The following TMTC2 variants were observed in gnomAD, a reference collection of about 807,000 sequenced individuals.
The protein encoded by TMTC2 is transmembrane O-mannosyltransferase targeting cadherins 2.
TMTC2 carries 43 observed loss-of-function variants against 82.4 expected under a neutral mutation model. The ratio of observed to expected loss-of-function variants is 0.52; its 90% CI spans 0.41 to 0.67. The LOEUF (loss-of-function observed/expected upper bound fraction) is 0.67, where lower values mean the gene tolerates loss of function less well. Ranked by LOEUF, TMTC2 falls within the 30% of genes least tolerant of loss-of-function variation. The pLI is 0.00. For synonymous variants in TMTC2, 408 were observed against 381.9 expected (o/e 1.07, Z -0.80); for missense variants, 919 against 1,012.4 (o/e 0.91, Z 1.25).
chr12:82,989,089 G>T lies in TMTC2; in HGVS notation c.2070+3043G>T, dbSNP rs1352707169. 2.0e-5 allele frequency among the ~76,000 whole-genome samples: 3 copies of T among 151,146 alleles called. No individual in the cohort carries two copies. In the South Asian group the frequency reaches 6.3e-4, roughly 32 times the overall value. ...CATACAGCATTTTATGAAGCAGGAT[G>T]TCAAGAAAAAAAGAAACCAAAAAAA... On this transcript the variant is annotated intron_variant, in intron 8 of 11. Coordinates refer to ENST00000321196, the MANE Select transcript of TMTC2 (RefSeq NM_152588.3).
intron 3 of TMTC2, among the ~76,000 whole-genome samples, chr12:82,904,347 A>C (rs997119259): frequency 6.6e-6 from 1 of 152,206 alleles, no homozygotes; most frequent in Non-Finnish European, 1.5e-5. Context: ...AACAGTATGC[A>C]TTAAAACTGC....
chr12:82,739,091 T>G (rs879473868), intron 1 of TMTC2, among the ~76,000 whole-genome samples: 7 of 148,178 alleles, frequency 4.7e-5, no homozygotes, highest in Non-Finnish European at 7.4e-5. Context: ...GAGGTTGCAG[T>G]GAGGTGAGAT....
chr12:82,937,917 T>G (rs1279912481), intron 4 of TMTC2, among the ~76,000 whole-genome samples: 1 of 33,588 alleles, frequency 3.0e-5, no homozygotes, highest in African/African-American at 6.2e-5. Context: ...CCTTTTTTTT[T>G]TTTTATTTTT....
chr12:82,883,012 C>T (rs1414174696), intron 2 of TMTC2, among the ~76,000 whole-genome samples: 9 of 138,002 alleles, frequency 6.5e-5, no homozygotes, highest in East Asian at 2.2e-4. Context: ...GCCAAGATCG[C>T]GTCAGTGCAC....
chr12:82,988,588 G>A (rs982709533), intron 8 of TMTC2, among the ~76,000 whole-genome samples: 2 of 151,844 alleles, frequency 1.3e-5, no homozygotes, highest in Non-Finnish European at 1.5e-5. Context: ...GAGGAGGGGA[G>A]TGAAAAGAGG....
intron 4 of TMTC2, among the ~76,000 whole-genome samples, chr12:82,957,803 C>A (rs1421262239): frequency 6.6e-6 from 1 of 151,710 alleles, no homozygotes. Context: ...CAAGATTGAA[C>A]CTGGAAGAAA....
intron 11 of TMTC2, among the ~76,000 whole-genome samples, chr12:83,062,979 A>G (rs1167925977): frequency 6.6e-6 from 1 of 151,810 alleles, no homozygotes; most frequent in Non-Finnish European, 1.5e-5. Flanking sequence ...CATGGCTGAG[A>G]CCCCTAAAAC....
At chr12:82,872,457 GGTTT>G (rs2137139105) in intron 2 of TMTC2, among the ~76,000 whole-genome samples, 1 of 152,180 alleles carries the variant, frequency 6.6e-6, no homozygotes, top group South Asian at 2.1e-4. Context: ...TGAAACATTT[GGTTT>G]GTTTCTGAAT....
chr12:82,783,442 G>A (rs952728595), intron 1 of TMTC2, among the ~76,000 whole-genome samples: 4 of 151,996 alleles, frequency 2.6e-5, no homozygotes, highest in African/African-American at 9.6e-5. Context: ...CTTCCCTTTT[G>A]TTGCCATTGA....
rs117998411 is a variant in TMTC2, at chr12:82,761,997, C to T, written c.83+74328C>T. ...TTTTTTTTTTTTTTTGGCCAAGTCA[C>T]GCTCTGTTGCCCAGGCTGGGGTGCA... On this transcript the variant is annotated intron_variant, in intron 1 of 11. Transcript: ENST00000321196. 7.5e-3 allele frequency among the ~76,000 whole-genome samples: 1,007 copies of T among 134,710 alleles called. 34 individuals are homozygous for T. Among genetic ancestry groups the T allele is most frequent in the East Asian group, 0.064 (284 of 4,468 alleles). 88.4% of individuals were successfully genotyped at this position (134,710 alleles called of 152,430 possible). A position where few individuals can be genotyped will look rare whatever the true frequency, so the allele number is the denominator to read the frequency against.
At chr12:82,969,124 C>T (rs1878343971) in intron 7 of TMTC2, among the ~76,000 whole-genome samples, 1 of 151,942 alleles carries the variant, frequency 6.6e-6, no homozygotes, top group Admixed American at 6.6e-5. Context: ...CTCCATTTGA[C>T]AAGAAAAAAA....
At chr12:82,872,518 C>A (rs1397692557) in intron 2 of TMTC2, among the ~76,000 whole-genome samples, 2 of 152,114 alleles carry the variant, frequency 1.3e-5, no homozygotes, top group African/African-American at 4.8e-5. Flanking sequence ...TTTATGTGTT[C>A]TTGACAGGCA....
At chr12:82,919,956 T>G (rs1191812223) in intron 3 of TMTC2, among the ~76,000 whole-genome samples, 1 of 152,174 alleles carries the variant, frequency 6.6e-6, no homozygotes, top group East Asian at 1.9e-4. Flanking sequence ...CAATATAGGC[T>G]TTTTCTAGCC....
intron 2 of TMTC2, among the ~76,000 whole-genome samples, chr12:82,879,152 T>C (rs1872709827): frequency 1.3e-5 from 2 of 152,166 alleles, no homozygotes; most frequent in Admixed American, 6.5e-5. Context: ...GGGAGTTAAT[T>C]GTCTCTTATA....
intron 11 of TMTC2, among the ~76,000 whole-genome samples, chr12:83,069,345 C>T (rs1883028839): frequency 6.6e-6 from 1 of 152,138 alleles, no homozygotes; most frequent in Non-Finnish European, 1.5e-5. Context: ...TCATCACATC[C>T]ATGCCAGCAT....
At chr12:82,863,021 GC>G (rs1428257813) in intron 2 of TMTC2, among the ~76,000 whole-genome samples, 1 of 152,168 alleles carries the variant, frequency 6.6e-6, no homozygotes, top group Non-Finnish European at 1.5e-5. Context: ...GAGATGCATA[GC>G]CTGCAGGTGT....
chr12:83,024,343 T>C (rs1236955061), intron 8 of TMTC2, among the ~76,000 whole-genome samples: 1 of 152,224 alleles, frequency 6.6e-6, no homozygotes, highest in Admixed American at 6.5e-5. Context: ...CATTTAACTA[T>C]AATGCATGGT....
intron 1 of TMTC2, among the ~76,000 whole-genome samples, chr12:82,771,830 G>GAAGTAGGTAGATAGGAAGGA (rs1877329050): frequency 6.6e-6 from 1 of 152,100 alleles, no homozygotes; most frequent in African/African-American, 2.4e-5. Context: ...GGTAGGAAAG[G>GAAGTAGGTAGATAGGAAGGA]AAGTAGGTAG....
chr12:82,975,420 A>G (rs1878624975), intron 7 of TMTC2, among the ~76,000 whole-genome samples: 1 of 152,212 alleles, frequency 6.6e-6, no homozygotes, highest in Non-Finnish European at 1.5e-5. Context: ...CTGAGAAGCA[A>G]TAACTGTTGC....
Sources: gnomAD v4.1 joint callset for allele counts (sites outside exome capture counted in the v4.1 genomes callset) on GRCh38, gnomAD v4.1.1 for gene constraint, MANE v1.5 for transcripts, NCBI Gene and HGNC (gene_info 2026-07-23, HGNC 2026-07-21) for gene names.